LEPROTL1: variants seen among roughly 807,000 people sequenced by gnomAD.
The protein encoded by LEPROTL1 is leptin receptor overlapping transcript-like 1.
Under a neutral mutation model 15.4 loss-of-function variants are expected in LEPROTL1, and 6 were observed. The ratio of observed to expected loss-of-function variants is 0.39; its 90% confidence interval spans 0.21 to 0.77. LEPROTL1 has a LOEUF of 0.77. LEPROTL1 is among the 30% of genes least tolerant of loss of function. The probability of loss-of-function intolerance (pLI) is 0.41; values close to 1 mark genes in which losing one functional copy is unlikely to be tolerated. For synonymous variants in LEPROTL1, 56 were observed against 52.6 expected (o/e 1.06, Z -0.28); for missense variants, 128 against 158.1 (o/e 0.81, Z 1.02).
chr8:30,102,728 T>A lies in LEPROTL1; in HGVS notation c.92+755T>A, dbSNP rs190838943. ...TTAACATTTTAACATTTAGATAAAT[T>A]AGAAAAAGATGGACAACTCAATAGA... On this transcript the variant is annotated intron_variant, in intron 2 of 3. Transcript: ENST00000321250. Among the ~76,000 whole-genome samples, 1,011 of 151,742 alleles carry A rather than the reference T, an allele frequency of 6.7e-3. 20 individuals carry two copies. The highest frequency in any genetic ancestry group is 0.023 in the African/African-American group (968 of 41,394).
rs1490432322 is a variant in LEPROTL1 at position 30,104,491 on chromosome 8, G to A, written c.279+5G>A. ...GTATTTGCCAGAGCACATCTGGTAA[G>A]TGAATATATTCTTCCATTAATGATT... On this transcript the variant is annotated splice_donor_5th_base_variant and intron_variant, in intron 3 of 3. Transcript: ENST00000321250. The A allele has an allele frequency of 6.4e-7, 1 of 1,556,252 alleles. No homozygotes were observed. The highest frequency in any genetic ancestry group is 1.9e-5 in the Admixed American group (1 of 51,462).
chr8:30,095,408 G>A lies in LEPROTL1; in HGVS notation c.-105G>A. The A allele has an allele frequency of 8.7e-7, 1 of 1,155,152 alleles. No individual in the cohort carries two copies. Among genetic ancestry groups the A allele is most frequent in the East Asian group, 3.3e-5 (1 of 30,570 alleles). The allele number at this position is 1,155,152 out of a possible 1,614,324, so 71.6% of individuals were successfully genotyped here. On this transcript the variant is annotated 5_prime_UTR_variant, in exon 1 of 4. Transcript: ENST00000321250. ...GTCGCCGGCGGAAGTGCTGCGTCGC[G>A]CACTTCCGGGTGTTGTCTGGCCGCC...
At chr8:30,110,690 C>T (rs928458006), downstream of LEPROTL1, among the ~76,000 whole-genome samples, 1 of 151,830 alleles carries the variant, frequency 6.6e-6, no homozygotes, top group Non-Finnish European at 1.5e-5. Flanking sequence ...GCCAAGATCA[C>T]GCCACTGCAC....
At chr8:30,114,633 A>G (rs910923984) in intron 3 of LEPROTL1, among the ~76,000 whole-genome samples, 2 of 152,132 alleles carry the variant, frequency 1.3e-5, no homozygotes, top group South Asian at 2.1e-4. Context: ...TGCATGGCCC[A>G]TTGTGGACAT....
At position 30,128,148 on chromosome 8, in the gene LEPROTL1, A is replaced by G. The variant is rs1472310414; in HGVS notation, c.280-4227A>G. 3.3e-5 allele frequency among the ~76,000 whole-genome samples: 5 copies of G among 152,298 alleles called. No homozygotes were observed. The East Asian group carries it at 7.7e-4, about 24-fold the overall frequency. On this transcript the variant is annotated intron_variant, in intron 3 of 4. Transcript: ENST00000442880. ...GTCCTCTGGGCAGACAGATGGCTCC[A>G]GTCTACATCTCTGGCTCCGACTTCT... is the stretch of plus-strand genomic sequence containing the variant.
chr8:30,136,666 A>G (rs946251764), intron 4 of LEPROTL1, among the ~76,000 whole-genome samples: 1 of 151,164 alleles, frequency 6.6e-6, no homozygotes, highest in Non-Finnish European at 1.5e-5. Context: ...CCCACCTGCC[A>G]TCTTGCCTTT....
chr8:30,123,423 A>G (rs1802860174), intron 3 of LEPROTL1, among the ~76,000 whole-genome samples: 1 of 152,222 alleles, frequency 6.6e-6, no homozygotes, highest in African/African-American at 2.4e-5. Context: ...TGCCACAACA[A>G]TATTGAGTAT....
chr8:30,116,323 A>G (rs1035722122), intron 3 of LEPROTL1, among the ~76,000 whole-genome samples: 3 of 152,112 alleles, frequency 2.0e-5, no homozygotes, highest in Admixed American at 6.5e-5. Context: ...GCAGTCCCCA[A>G]TCTTGTTGGC....
chr8:30,106,304 AAAT>A lies in LEPROTL1; in HGVS notation c.*445_*447del, dbSNP rs1227207826. ...CCTCCATTATTACAAAAAATTATAA[AAAT>A]AAGTTTTCAGTCAGTCAGGATGACA... is the stretch of plus-strand genomic sequence containing the variant. On this transcript the variant is annotated 3_prime_UTR_variant, in exon 4 of 4. Transcript: ENST00000321250. 6 of 986,266 alleles carry A rather than the reference AAAT, an allele frequency of 6.1e-6. No homozygotes were observed. In the African/African-American group the frequency reaches 1.0e-4, roughly 17 times the overall value. The allele number at this position is 986,266 out of a possible 1,614,324, so 61.1% of individuals were successfully genotyped here.
intron 3 of LEPROTL1, among the ~76,000 whole-genome samples, chr8:30,131,306 G>GTGTGTATATA (rs71206233): frequency 1.1e-4 from 16 of 141,394 alleles, no homozygotes; most frequent in Admixed American, 3.0e-4. Context: ...ATGTGTGTGT[G>GTGTGTATATA]TATATATATA....
chr8:30,137,494 G>A (rs1335117204), exon 5 of LEPROTL1: 3 of 1,551,072 alleles, frequency 1.9e-6, no homozygotes, highest in Non-Finnish European at 2.6e-6. Flanking sequence ...TCCCTCTCAG[G>A]CACAATGACA....
chr8:30,104,602 A>G (rs1802529340), intron 3 of LEPROTL1, 116 bp downstream of exon 3: 2 of 547,656 alleles, frequency 3.7e-6, no homozygotes, highest in Non-Finnish European at 6.0e-6. Flanking sequence ...AGCCTAGAAG[A>G]TAGAGATTAA....
At chr8:30,134,436 AAAAAAAAAAC>A (rs1027235920) in intron 4 of LEPROTL1, among the ~76,000 whole-genome samples, 1 of 150,338 alleles carries the variant, frequency 6.7e-6, no homozygotes, top group African/African-American at 2.4e-5. Context: ...AAACAAAACA[AAAAAAAAAAC>A]AAAAAAAAAC....
In LEPROTL1 at chr8:30,134,119, T is replaced by C. The variant is rs556313109; in HGVS notation, c.394+1630T>C. Among the ~76,000 whole-genome samples the C allele has an allele frequency of 1.2e-4, 18 of 152,244 alleles. No homozygotes were observed. In the East Asian group the frequency reaches 3.5e-3, roughly 29 times the overall value. On this transcript the variant is annotated intron_variant, in intron 4 of 4. Coordinates refer to the LEPROTL1 transcript ENST00000442880. ...ACAATTATGTAATGCTCCTTATTTT[T>C]CTCTTAAAAAACTTTCTCTTACCAG... is the stretch of plus-strand genomic sequence containing the variant.
At chr8:30,132,316 C>G (rs147712548) in intron 3 of LEPROTL1, 1 of 1,551,644 alleles carries the variant, frequency 6.4e-7, no homozygotes, top group Admixed American at 2.0e-5. Context: ...TCGGAGCCAT[C>G]GAGCTGTGCT....
chr8:30,107,220 T>G lies in LEPROTL1; in HGVS notation c.*1358T>G, dbSNP rs1304475270. The G allele has an allele frequency of 2.0e-6, 2 of 985,338 alleles. No individual in the cohort carries two copies. Among genetic ancestry groups the G allele is most frequent in the Non-Finnish European group, 2.4e-6 (2 of 829,942 alleles). 61.0% of individuals were successfully genotyped at this position (985,338 alleles called of 1,614,324 possible). ...TGCAAAGTAGCCAAGTCCAGCTATA[T>G]AGCAGCTTCAGAAACATACCTGACC... On this transcript the variant is annotated 3_prime_UTR_variant, in exon 4 of 4. Transcript: ENST00000321250.
chr8:30,109,321 T>G (rs376528907), downstream of LEPROTL1, among the ~76,000 whole-genome samples: 2 of 152,304 alleles, frequency 1.3e-5, no homozygotes, highest in African/African-American at 2.4e-5. Flanking sequence ...CAGTGAAGAT[T>G]AGGAGCTCTG....
intron 4 of LEPROTL1, among the ~76,000 whole-genome samples, chr8:30,136,771 C>T (rs1042162168): frequency 1.3e-5 from 2 of 151,512 alleles, no homozygotes; most frequent in Admixed American, 1.3e-4. Context: ...CTCTGTCACC[C>T]AGGCTGGAGT....
At chr8:30,096,215 A>G (rs1585458232) in intron 1 of LEPROTL1, 5 of 886,600 alleles carry the variant, frequency 5.6e-6, no homozygotes, top group Non-Finnish European at 6.7e-6. Context: ...TTTTTTTTTA[A>G]GAAGATAAAA....
Sources: allele counts gnomAD v4.1 joint callset (sites outside exome capture counted in the v4.1 genomes callset), GRCh38; gene constraint gnomAD v4.1.1; transcripts MANE v1.5; gene names NCBI Gene and HGNC (gene_info 2026-07-23, HGNC 2026-07-21).